Variants in ANKRD17 observed in about 807,000 individuals in gnomAD.
The protein encoded by ANKRD17 is ankyrin repeat domain-containing protein 17.
ANKRD17 carries 19 observed loss-of-function variants against 229.7 expected under a neutral mutation model. That is an observed-to-expected ratio of 0.08 (90% CI 0.06 to 0.12). The LOEUF (loss-of-function observed/expected upper bound fraction) is 0.12, where lower values mean the gene tolerates loss of function less well. ANKRD17 is among the 10% of genes least tolerant of loss of function. The pLI, the probability that ANKRD17 is intolerant of heterozygous loss-of-function variation, is 1.00. For synonymous variants in ANKRD17, 1,112 were observed against 1,146.1 expected (o/e 0.97, Z 0.60); for missense variants, 2,176 against 3,176.8 (o/e 0.68, Z 7.57).
chr4:73,219,556 A>G (rs1321963313), intron 1 of ANKRD17, among the ~76,000 whole-genome samples: 2 of 152,194 alleles, frequency 1.3e-5, no homozygotes, highest in African/African-American at 4.8e-5. Context: ...ATAAATACAG[A>G]GCAAGAAAAG....
Position 73,085,358 on chromosome 4 carries a change from C to G in ANKRD17, c.7050G>C (p.Gln2350His). The change falls in exon 30 of 34, where the codon CAG becomes CAC. Residue 2350 changes from glutamine (Q) to histidine (H), a missense_variant. Transcript: ENST00000358602. ...GNFASNISGG[Q>H]MYGPGAPLGG... is the part of the protein sequence containing the mutation. Reference sequence around the variant, plus strand: ...CAAGGGGTGCCCCAGGTCCGTACATCTGACCTCCTGAAATGTTTGAAGCAA... The same window carrying G: ...CAAGGGGTGCCCCAGGTCCGTACATGTGACCTCCTGAAATGTTTGAAGCAA... The G allele has an allele frequency of 6.2e-7, 1 of 1,614,124 alleles. No homozygotes were observed. Among genetic ancestry groups the G allele is most frequent in the Non-Finnish European group, 8.5e-7 (1 of 1,180,028 alleles).
chr4:73,218,618 G>A (rs973740584), intron 1 of ANKRD17, among the ~76,000 whole-genome samples: 6 of 148,700 alleles, frequency 4.0e-5, no homozygotes, highest in African/African-American at 1.5e-4. Context: ...ACTCTAGCCT[G>A]GGTGACAGAG....
chr4:73,211,124 C>T (rs1740193851), intron 1 of ANKRD17, among the ~76,000 whole-genome samples: 2 of 151,890 alleles, frequency 1.3e-5, no homozygotes, highest in African/African-American at 4.8e-5. Context: ...TAGTCAAGCA[C>T]ATAATACAGA....
intron 1 of ANKRD17, among the ~76,000 whole-genome samples, chr4:73,230,469 T>C (rs1353626115): frequency 2.6e-5 from 4 of 152,300 alleles, no homozygotes; most frequent in Admixed American, 1.3e-4. Flanking sequence ...GTTTATACTA[T>C]ATACACTGGA....
rs547092358 is a variant in ANKRD17 at position 73,112,977 on chromosome 4, G to A, written c.4401+815C>T. 22 of 567,550 alleles carry A rather than the reference G, an allele frequency of 3.9e-5. No individual in the cohort carries two copies. In the East Asian group the frequency reaches 7.3e-4, roughly 19 times the overall value. The allele number at this position is 567,550 out of a possible 1,614,324, so 35.2% of individuals were successfully genotyped here. A position where few individuals can be genotyped will look rare whatever the true frequency, so the allele number is the denominator to read the frequency against. Reference sequence around the variant, plus strand: ...TAATTTTCGTATTTTTGGTAGAGACGGTGTTTTGCCATGTTGGCCAGGCTG... The same window carrying A: ...TAATTTTCGTATTTTTGGTAGAGACAGTGTTTTGCCATGTTGGCCAGGCTG... On this transcript the variant is annotated intron_variant, in intron 24 of 33. Transcript: ENST00000358602.
intron 16 of ANKRD17, among the ~76,000 whole-genome samples, chr4:73,134,626 G>A (rs1007767834): frequency 5.3e-5 from 8 of 152,118 alleles, no homozygotes; most frequent in Middle Eastern, 6.8e-3. Context: ...CTGGAATCCC[G>A]TACAGCTAAA....
At chr4:73,229,736 T>C (rs1742869508) in intron 1 of ANKRD17, among the ~76,000 whole-genome samples, 1 of 151,874 alleles carries the variant, frequency 6.6e-6, no homozygotes, top group Admixed American at 6.6e-5. Flanking sequence ...TCTGATAAAA[T>C]ACAAATTCCC....
intron 2 of ANKRD17, among the ~76,000 whole-genome samples, chr4:73,171,011 C>T (rs1462368363): frequency 6.6e-6 from 1 of 152,070 alleles, no homozygotes. Flanking sequence ...CTATAGAGCC[C>T]TAGGGCCTTC....
chr4:73,203,776 A>AAAG (rs1459519948), intron 1 of ANKRD17, among the ~76,000 whole-genome samples: 100 of 151,130 alleles, frequency 6.6e-4, no homozygotes, highest in Non-Finnish European at 1.2e-3. Flanking sequence ...AAAAAAAAAA[A>AAAG]AAAGAAAAAG....
chr4:73,175,435 G>C (rs987885389), intron 2 of ANKRD17, among the ~76,000 whole-genome samples: 3 of 152,100 alleles, frequency 2.0e-5, no homozygotes, highest in Admixed American at 6.5e-5. Context: ...TGGGGACACA[G>C]AGCCAAACCA....
intron 1 of ANKRD17, among the ~76,000 whole-genome samples, chr4:73,183,290 A>G (rs1285713593): frequency 6.6e-6 from 1 of 152,188 alleles, no homozygotes; most frequent in East Asian, 1.9e-4. Context: ...TAAAGGAATT[A>G]CTTTGGTTAT....
chr4:73,143,959 T>G, intron 11 of ANKRD17, among the ~76,000 whole-genome samples: 1 of 152,136 alleles, frequency 6.6e-6, no homozygotes, highest in Admixed American at 6.5e-5. Flanking sequence ...CAGGCTAGTC[T>G]TGAACTACAA....
chr4:73,195,007 T>C (rs1027473227), intron 1 of ANKRD17, among the ~76,000 whole-genome samples: 1 of 152,186 alleles, frequency 6.6e-6, no homozygotes, highest in African/African-American at 2.4e-5. Context: ...ATGGAAAACG[T>C]TGCTAAACTC....
rs1745696512 is a variant in ANKRD17, at chr4:73,258,523, G to A, written c.146C>T (p.Ser49Leu). 1 of 1,536,380 alleles carries A rather than the reference G, an allele frequency of 6.5e-7. No homozygotes were observed. The highest frequency in any genetic ancestry group is 8.7e-7 in the Non-Finnish European group (1 of 1,144,810). Reference sequence around the variant, plus strand: ...GACTCGCACCATCCCACGAGGAGACGAGGCCGAGCGAGCTCTGCTGCTGCC... The same window carrying A: ...GACTCGCACCATCCCACGAGGAGACAAGGCCGAGCGAGCTCTGCTGCTGCC... ...VGGSSRARSA[S>L]SPRGMVRVCD... Residue 49 changes from serine to leucine, a missense_variant, in exon 1 of 34, where the codon TCG becomes TTG. Around this residue, in one of 18 missense-constraint regions of ANKRD17, gnomAD observed 196 missense variants for 190.0 expected, o/e 1.03. Coordinates refer to ENST00000358602, the MANE Select transcript of ANKRD17 (RefSeq NM_032217.5).
intron 1 of ANKRD17, among the ~76,000 whole-genome samples, chr4:73,198,278 T>C (rs1056047590): frequency 2.0e-5 from 3 of 152,186 alleles, no homozygotes; most frequent in Non-Finnish European, 2.9e-5. Flanking sequence ...TAATTGGCAA[T>C]ATAAATATTT....
chr4:73,234,328 G>A (rs1007295277), intron 1 of ANKRD17, among the ~76,000 whole-genome samples: 4 of 151,978 alleles, frequency 2.6e-5, no homozygotes, highest in East Asian at 1.9e-4. Context: ...TAAACATTAC[G>A]TATTCTTAAA....
chr4:73,229,318 C>G (rs899109195), intron 1 of ANKRD17, among the ~76,000 whole-genome samples: 1 of 152,092 alleles, frequency 6.6e-6, no homozygotes, highest in East Asian at 1.9e-4. Context: ...ACCCAATTAA[C>G]TGCCTTCTAA....
chr4:73,113,217 G>A lies in ANKRD17; in HGVS notation c.4401+575C>T, dbSNP rs573870512. On this transcript the variant is annotated intron_variant, in intron 24 of 33. Coordinates refer to ENST00000358602, the MANE Select transcript of ANKRD17 (RefSeq NM_032217.5). ...TTATAGGGGAAAATGTGGCAGAAAA[G>A]GGAAGTGAAGAAGCTATAAGACTGT... 168 of 1,288,592 alleles carry A rather than the reference G, an allele frequency of 1.3e-4. 3 individuals are homozygous for A. In the South Asian group the frequency reaches 1.4e-3, roughly 11 times the overall value. 79.8% of individuals were successfully genotyped at this position (1,288,592 alleles called of 1,614,324 possible). A position where few individuals can be genotyped will look rare whatever the true frequency, so the allele number is the denominator to read the frequency against.
chr4:73,161,434 T>C, intron 2 of ANKRD17, 86 bp from the exon 3 acceptor site: 2 of 1,364,114 alleles, frequency 1.5e-6, no homozygotes, highest in African/African-American at 1.5e-5. Flanking sequence ...ATACTGTGTA[T>C]GTTAACAAAT....
Sources: gnomAD v4.1 joint callset for allele counts (sites outside exome capture counted in the v4.1 genomes callset) on GRCh38, gnomAD v4.1.1 for gene constraint, gnomAD v4.1.1 regional missense constraint, MANE v1.5 for transcripts, NCBI Gene and HGNC (gene_info 2026-07-23, HGNC 2026-07-21) for gene names.